SEMA6D: variants seen among roughly 807,000 people sequenced by gnomAD.
SEMA6D encodes the protein semaphorin-6D.
A neutral mutation model predicts 106.6 loss-of-function variants in SEMA6D; 35 were observed. The ratio of observed to expected loss-of-function variants is 0.33; its 90% CI spans 0.25 to 0.44. The LOEUF (loss-of-function observed/expected upper bound fraction) is 0.44. SEMA6D is among the 20% of genes least tolerant of loss of function. SEMA6D has a pLI of 1.00. For synonymous variants in SEMA6D, 499 were observed against 487.7 expected (o/e 1.02, Z -0.31); for missense variants, 1,185 against 1,345.9 (o/e 0.88, Z 1.87).
chr15:47,454,599 G>GCACACACA (rs71118183), intron 2 of SEMA6D, among the ~76,000 whole-genome samples: 4,876 of 148,938 alleles, frequency 0.033, 211 homozygotes, highest in African/African-American at 0.094. Flanking sequence ...TTGCACATGT[G>GCACACACA]CACACACACA....
chr15:47,208,936 C>G (rs1010153763), intron 1 of SEMA6D, among the ~76,000 whole-genome samples: 3 of 152,062 alleles, frequency 2.0e-5, no homozygotes, highest in African/African-American at 7.2e-5. Flanking sequence ...ATGTGAGTAA[C>G]AATAAAGGAA....
chr15:47,354,594 TA>T (rs1297250465), intron 1 of SEMA6D, among the ~76,000 whole-genome samples: 1 of 151,522 alleles, frequency 6.6e-6, no homozygotes, highest in Non-Finnish European at 1.5e-5. Context: ...CATATATATG[TA>T]TATATACACA....
At chr15:47,308,122 T>A (rs1038558560) in intron 1 of SEMA6D, among the ~76,000 whole-genome samples, 2 of 151,992 alleles carry the variant, frequency 1.3e-5, no homozygotes, top group African/African-American at 4.8e-5. Context: ...AAAGGAAGCA[T>A]CTTCTAGTAT....
chr15:47,236,100 A>T (rs1032185517), intron 1 of SEMA6D, among the ~76,000 whole-genome samples: 5 of 152,110 alleles, frequency 3.3e-5, no homozygotes, highest in Admixed American at 6.6e-5. Flanking sequence ...TAAAAATGTT[A>T]TCTGGATTGC....
At chr15:47,741,003 CA>C (rs2080777612) in intron 1 of SEMA6D, among the ~76,000 whole-genome samples, 1 of 152,218 alleles carries the variant, frequency 6.6e-6, no homozygotes, top group African/African-American at 2.4e-5. Context: ...TTTTCTGACA[CA>C]GTTACCTGCT....
intron 3 of SEMA6D, among the ~76,000 whole-genome samples, chr15:47,475,825 C>G (rs561716836): frequency 5.3e-5 from 8 of 152,072 alleles, no homozygotes; most frequent in Admixed American, 1.3e-4. Flanking sequence ...ACTGGATTAC[C>G]CTTGCTTCAA....
chr15:47,363,860 C>T (rs1025609791), intron 1 of SEMA6D, among the ~76,000 whole-genome samples: 1 of 152,162 alleles, frequency 6.6e-6, no homozygotes, highest in East Asian at 1.9e-4. Flanking sequence ...ATAATCATGG[C>T]GGAAGGCGAA....
chr15:47,196,482 C>T (rs1894368774), intron 1 of SEMA6D, among the ~76,000 whole-genome samples: 1 of 152,106 alleles, frequency 6.6e-6, no homozygotes, highest in South Asian at 2.1e-4. Context: ...AGACAGCCCC[C>T]CTAAAATATG....
intron 4 of SEMA6D, among the ~76,000 whole-genome samples, chr15:47,637,407 A>AG (rs1201238545): frequency 3.9e-5 from 6 of 152,148 alleles, no homozygotes. Flanking sequence ...TAATCTGACT[A>AG]TGTCCTTAGA....
intron 2 of SEMA6D, among the ~76,000 whole-genome samples, chr15:47,454,681 G>A (rs1399879567): frequency 6.6e-6 from 1 of 151,512 alleles, no homozygotes; most frequent in Non-Finnish European, 1.5e-5. Context: ...TATATGATAG[G>A]ATTCTTATTC....
intron 1 of SEMA6D, among the ~76,000 whole-genome samples, chr15:47,283,031 C>A (rs977945697): frequency 6.6e-6 from 1 of 152,124 alleles, no homozygotes; most frequent in African/African-American, 2.4e-5. Flanking sequence ...TTAACAGGGG[C>A]TAGCATTTCT....
chr15:47,324,355 T>A (rs1235360004), intron 1 of SEMA6D, among the ~76,000 whole-genome samples: 2 of 152,186 alleles, frequency 1.3e-5, no homozygotes, highest in Non-Finnish European at 2.9e-5. Context: ...CAAAAATGGC[T>A]TGACCTGTAT....
At chr15:47,674,673 A>G (rs948109099) in intron 4 of SEMA6D, among the ~76,000 whole-genome samples, 1 of 152,160 alleles carries the variant, frequency 6.6e-6, no homozygotes, top group Non-Finnish European at 1.5e-5. Context: ...TTACATCTTC[A>G]GAAGCAGTGC....
At chr15:47,333,560 G>A (rs2037430174) in intron 1 of SEMA6D, among the ~76,000 whole-genome samples, 1 of 152,024 alleles carries the variant, frequency 6.6e-6, no homozygotes, top group South Asian at 2.1e-4. Flanking sequence ...TTGATGGCAG[G>A]TATCAACATG....
chr15:47,372,286 C>T (rs1408161624), intron 1 of SEMA6D, among the ~76,000 whole-genome samples: 1 of 152,192 alleles, frequency 6.6e-6, no homozygotes, highest in Non-Finnish European at 1.5e-5. Flanking sequence ...GCACCACTCC[C>T]AAGCCTCTCC....
chr15:47,728,164 G>T (rs1486104712), intron 1 of SEMA6D, among the ~76,000 whole-genome samples: 1 of 152,186 alleles, frequency 6.6e-6, no homozygotes, highest in Non-Finnish European at 1.5e-5. Context: ...CTGGCCAACA[G>T]AATGAGCTTC....
chr15:47,613,066 AC>A (rs2076942214), intron 4 of SEMA6D, among the ~76,000 whole-genome samples: 1 of 152,242 alleles, frequency 6.6e-6, no homozygotes, highest in African/African-American at 2.4e-5. Flanking sequence ...GATAAAGAAT[AC>A]ATCTGATTAT....
intron 1 of SEMA6D, among the ~76,000 whole-genome samples, chr15:47,223,176 T>C (rs1370705153): frequency 6.6e-6 from 1 of 150,454 alleles, no homozygotes; most frequent in Admixed American, 6.7e-5. Context: ...CTGCAGATAT[T>C]TACAAAATCT....
chr15:47,397,205 A>G (rs1397792537), intron 1 of SEMA6D, among the ~76,000 whole-genome samples: 2 of 152,160 alleles, frequency 1.3e-5, no homozygotes, highest in Admixed American at 1.3e-4. Flanking sequence ...CTGTGTAGAC[A>G]ACCTGTGGAC....
Sources: gnomAD v4.1 joint callset for allele counts (sites outside exome capture counted in the v4.1 genomes callset) on GRCh38, gnomAD v4.1.1 for gene constraint, MANE v1.5 for transcripts, NCBI Gene and HGNC (gene_info 2026-07-23, HGNC 2026-07-21) for gene names.